The following EPB41L4A variants were observed in gnomAD, a reference collection of about 807,000 sequenced individuals.
EPB41L4A encodes band 4.1-like protein 4A.
In EPB41L4A, 100 loss-of-function variants were observed where a neutral mutation model predicts 108.6. That is an observed-to-expected ratio of 0.92 (90% CI 0.78 to 1.09). The LOEUF (loss-of-function observed/expected upper bound fraction) is 1.09, where lower values mean the gene tolerates loss of function less well. Ranked by LOEUF, EPB41L4A falls within the 50% of genes least tolerant of loss-of-function variation. EPB41L4A has a pLI of 0.00. For synonymous variants in EPB41L4A, 319 were observed against 289.0 expected (o/e 1.10, Z -1.05); for missense variants, 1,030 against 842.7 (o/e 1.22, Z -2.75).
At chr5:112,365,589 A>G (rs1486429138) in intron 1 of EPB41L4A, among the ~76,000 whole-genome samples, 1 of 152,220 alleles carries the variant, frequency 6.6e-6, no homozygotes, top group African/African-American at 2.4e-5. Flanking sequence ...AATGTCTCAC[A>G]TTACCATGGT....
chr5:112,228,739 T>C (rs1304972154), intron 12 of EPB41L4A: 2 of 985,202 alleles, frequency 2.0e-6, no homozygotes, highest in Non-Finnish European at 2.4e-6. Context: ...AGAGAGAGGG[T>C]TGTAACAGGA....
intron 9 of EPB41L4A, among the ~76,000 whole-genome samples, chr5:112,251,810 A>T (rs1750694500): frequency 2.0e-5 from 3 of 152,198 alleles, no homozygotes; most frequent in Admixed American, 2.0e-4. Context: ...AATAAACCTC[A>T]GTAGATTTCA....
chr5:112,366,972 C>G (rs983814351), intron 1 of EPB41L4A, among the ~76,000 whole-genome samples: 3 of 152,182 alleles, frequency 2.0e-5, no homozygotes, highest in Non-Finnish European at 4.4e-5. Context: ...CGCCACTGGT[C>G]AGAACAGAAC....
intron 1 of EPB41L4A, among the ~76,000 whole-genome samples, chr5:112,415,929 G>T (rs1234250568): frequency 6.6e-6 from 1 of 151,200 alleles, no homozygotes; most frequent in Non-Finnish European, 1.5e-5. Context: ...AAATACCTCC[G>T]TAACATTAAC....
intron 18 of EPB41L4A, among the ~76,000 whole-genome samples, chr5:112,171,591 T>C (rs1475997430): frequency 1.3e-5 from 2 of 152,226 alleles, no homozygotes; most frequent in Non-Finnish European, 2.9e-5. Flanking sequence ...TTCCTAACTA[T>C]TGACTCTGCA....
chr5:112,292,324 G>A (rs1055557658), intron 2 of EPB41L4A, among the ~76,000 whole-genome samples: 1 of 152,144 alleles, frequency 6.6e-6, no homozygotes, highest in Non-Finnish European at 1.5e-5. Context: ...TGTTAAACAA[G>A]AAACTTCCTG....
intron 1 of EPB41L4A, among the ~76,000 whole-genome samples, chr5:112,400,182 G>C (rs1401774007): frequency 6.6e-6 from 1 of 152,136 alleles, no homozygotes; most frequent in Non-Finnish European, 1.5e-5. Context: ...TGGTAGGAAA[G>C]AGAGAGGGGG....
At chr5:112,189,848 AT>A (rs1373637321) in intron 17 of EPB41L4A, among the ~76,000 whole-genome samples, 2 of 152,220 alleles carry the variant, frequency 1.3e-5, no homozygotes, top group Admixed American at 1.3e-4. Context: ...CACAAAGGAT[AT>A]TTTGTAGAAC....
intron 2 of EPB41L4A, among the ~76,000 whole-genome samples, chr5:112,289,224 A>G (rs1456402994): frequency 6.6e-6 from 1 of 152,192 alleles, no homozygotes; most frequent in Non-Finnish European, 1.5e-5. Flanking sequence ...TCTCGTATGC[A>G]TAATAGAATT....
chr5:112,195,761 A>C (rs1761937290), intron 15 of EPB41L4A, 53 bp from the exon 16 acceptor site: 1 of 1,491,602 alleles, frequency 6.7e-7, no homozygotes, highest in Non-Finnish European at 9.3e-7. Context: ...CAATTGGCTA[A>C]GGAAAGCACA....
intron 13 of EPB41L4A, among the ~76,000 whole-genome samples, chr5:112,209,194 T>A (rs1762610916): frequency 6.6e-6 from 1 of 152,248 alleles, no homozygotes; most frequent in Non-Finnish European, 1.5e-5. Flanking sequence ...TTCCCCATGA[T>A]GTATGGGGGG....
chr5:112,169,696 T>C lies in EPB41L4A; in HGVS notation c.1740-591A>G, dbSNP rs560705325. 9.8e-5 allele frequency among the ~76,000 whole-genome samples: 15 copies of C among 152,352 alleles called. No individual in the cohort carries two copies. In the East Asian group the frequency reaches 2.7e-3, roughly 27 times the overall value. ...TAATAATTAAAAACAAATAAATAAT[T>C]CAAATCTTTGACCTAAAGATGGGGA... On this transcript the variant is annotated intron_variant, in intron 20 of 22. Coordinates refer to ENST00000261486, the MANE Select transcript of EPB41L4A (RefSeq NM_022140.5).
At chr5:112,143,598 T>C (rs1383942821) in exon 14 of EPB41L4A, 1 of 175,018 alleles carries the variant, frequency 5.7e-6, no homozygotes, top group Admixed American at 6.1e-5. Context: ...CTTCCCTGTC[T>C]CTCTTTGTGT....
At chr5:112,415,534 CTT>C (rs1198926553) in intron 1 of EPB41L4A, among the ~76,000 whole-genome samples, 3 of 152,244 alleles carry the variant, frequency 2.0e-5, no homozygotes, top group African/African-American at 7.2e-5. Flanking sequence ...AATCTTGTGA[CTT>C]TTGTTTTCCT....
intron 1 of EPB41L4A, among the ~76,000 whole-genome samples, chr5:112,311,505 ATC>A (rs1755047911): frequency 6.6e-6 from 1 of 152,160 alleles, no homozygotes; most frequent in Non-Finnish European, 1.5e-5. Flanking sequence ...TATGATTCCC[ATC>A]TATCTACAGC....
At chr5:112,161,769 C>T, downstream of EPB41L4A, 1 of 388,042 alleles carries the variant, frequency 2.6e-6, no homozygotes. Context: ...ATAAAGGTGA[C>T]CTGAAGGTAG....
intron 3 of EPB41L4A, among the ~76,000 whole-genome samples, chr5:112,276,672 T>C (rs1266331446): frequency 6.6e-6 from 1 of 152,226 alleles, no homozygotes; most frequent in Non-Finnish European, 1.5e-5. Flanking sequence ...CTCGCTATTC[T>C]TAACTGAATA....
At chr5:112,147,897 G>C (rs1759321496) in intron 12 of EPB41L4A, among the ~76,000 whole-genome samples, 1 of 151,420 alleles carries the variant, frequency 6.6e-6, no homozygotes. Flanking sequence ...AAATTAGCTG[G>C]GCAAAATGGC....
At chr5:112,285,265 A>G (rs1433327593) in intron 2 of EPB41L4A, among the ~76,000 whole-genome samples, 1 of 152,206 alleles carries the variant, frequency 6.6e-6, no homozygotes, top group African/African-American at 2.4e-5. Context: ...TAATATAGCA[A>G]AACAACCTCT....
Sources: gnomAD v4.1 joint callset for allele counts (sites outside exome capture counted in the v4.1 genomes callset) on GRCh38, gnomAD v4.1.1 for gene constraint, MANE v1.5 for transcripts, NCBI Gene and HGNC (gene_info 2026-07-23, HGNC 2026-07-21) for gene names.